The following LINGO2 variants were observed in gnomAD, a reference collection of about 807,000 sequenced individuals.
LINGO2 encodes the protein leucine-rich repeat and immunoglobulin-like domain-containing nogo receptor-interacting protein 2.
In LINGO2, 14 loss-of-function variants were observed where a neutral mutation model predicts 30.6. The ratio of observed to expected loss-of-function variants is 0.46; its 90% CI spans 0.30 to 0.72. The LOEUF (loss-of-function observed/expected upper bound fraction) is 0.72. LINGO2 is among the 30% of genes least tolerant of loss of function. LINGO2 has a pLI of 0.07. For missense variants in LINGO2, 729 were observed against 751.7 expected, an observed-to-expected ratio of 0.97 and a Z score of 0.35; for synonymous variants, 317 against 288.5, an observed-to-expected ratio of 1.10 and a Z score of -1.00.
chr9:28,573,062 C>G (rs1053184961), intron 1 of LINGO2, among the ~76,000 whole-genome samples: 6 of 152,058 alleles, frequency 3.9e-5, no homozygotes, highest in Admixed American at 6.6e-5. Context: ...TATCTATTGG[C>G]AAAATATTTG....
chr9:28,631,700 T>A (rs932156954), intron 1 of LINGO2, among the ~76,000 whole-genome samples: 1 of 152,056 alleles, frequency 6.6e-6, no homozygotes, highest in Non-Finnish European at 1.5e-5. Flanking sequence ...GAAGCACATA[T>A]GTTGCTGTCT....
chr9:29,108,978 T>C, the LINGO2 span, among the ~76,000 whole-genome samples: 1 of 152,224 alleles, frequency 6.6e-6, no homozygotes, highest in African/African-American at 2.4e-5. Context: ...GAAATTTACT[T>C]GCACAATAGC....
chr9:27,975,363 C>T (rs540669240), intron 5 of LINGO2, among the ~76,000 whole-genome samples: 2 of 151,648 alleles, frequency 1.3e-5, no homozygotes, highest in African/African-American at 4.9e-5. Context: ...GTGGTAAATG[C>T]TTAACAACTG....
At chr9:29,109,786 T>C in the LINGO2 span, among the ~76,000 whole-genome samples, 2 of 152,314 alleles carry the variant, frequency 1.3e-5, no homozygotes. Context: ...ATTAGCTAAG[T>C]TGGTGATTTT....
intron 4 of LINGO2, among the ~76,000 whole-genome samples, chr9:28,233,704 G>C (rs1170921203): frequency 6.6e-6 from 1 of 152,312 alleles, no homozygotes; most frequent in South Asian, 2.1e-4. Flanking sequence ...GGAGAGGAGA[G>C]TGAAGACAAA....
At chr9:29,027,285 A>T in the LINGO2 span, among the ~76,000 whole-genome samples, 2 of 152,210 alleles carry the variant, frequency 1.3e-5, no homozygotes. Flanking sequence ...TTCAATCATA[A>T]ATTATAACCT....
At chr9:27,950,031 T>C in exon 6 of LINGO2, 2 of 1,614,098 alleles carry the variant, frequency 1.2e-6, no homozygotes, top group Non-Finnish European at 1.7e-6. Flanking sequence ...AGGCATATTG[T>C]TGATATTGAG....
intron 2 of LINGO2, among the ~76,000 whole-genome samples, chr9:28,433,411 A>C (rs1823761725): frequency 6.6e-6 from 1 of 152,158 alleles, no homozygotes; most frequent in Non-Finnish European, 1.5e-5. Context: ...TGAGCCAGAA[A>C]AGCAGATAAG....
At chr9:28,172,438 A>G (rs10968364) in intron 4 of LINGO2, among the ~76,000 whole-genome samples, 15,042 of 152,162 alleles carry the variant, frequency 0.099, 866 homozygotes, top group East Asian at 0.19. Flanking sequence ...AGCACTTTCC[A>G]TACATTATCT....
the LINGO2 span, among the ~76,000 whole-genome samples, chr9:28,983,136 T>G: frequency 6.6e-6 from 1 of 152,008 alleles, no homozygotes; most frequent in Non-Finnish European, 1.5e-5. Context: ...GTGCCATGTC[T>G]GGGCCACAGC....
At chr9:29,099,741 G>T in the LINGO2 span, among the ~76,000 whole-genome samples, 1 of 152,242 alleles carries the variant, frequency 6.6e-6, no homozygotes, top group Non-Finnish European at 1.5e-5. Context: ...ACAAATGCTG[G>T]CAAGGAGGTG....
intron 1 of LINGO2, among the ~76,000 whole-genome samples, chr9:28,484,139 T>C (rs1197330990): frequency 6.6e-6 from 1 of 152,092 alleles, no homozygotes; most frequent in African/African-American, 2.4e-5. Context: ...CTGATGAGGT[T>C]TGACTATCAT....
intron 3 of LINGO2, among the ~76,000 whole-genome samples, chr9:28,319,515 G>A (rs1824962575): frequency 6.6e-6 from 1 of 151,856 alleles, no homozygotes; most frequent in African/African-American, 2.4e-5. Flanking sequence ...CATCTTGGGG[G>A]GCTGTTATTA....
intron 4 of LINGO2, among the ~76,000 whole-genome samples, chr9:28,276,579 C>T (rs1385041462): frequency 6.6e-6 from 1 of 152,178 alleles, no homozygotes; most frequent in Non-Finnish European, 1.5e-5. Flanking sequence ...TTCTGATCTC[C>T]CTTCCATCTG....
At chr9:28,652,075 C>T (rs546078125) in intron 1 of LINGO2, among the ~76,000 whole-genome samples, 1 of 152,238 alleles carries the variant, frequency 6.6e-6, no homozygotes, top group Admixed American at 6.5e-5. Context: ...ACTATCATAT[C>T]TTCTCTTGCA....
intron 1 of LINGO2, among the ~76,000 whole-genome samples, chr9:28,517,729 C>T (rs1245177223): frequency 6.6e-6 from 1 of 152,102 alleles, no homozygotes; most frequent in Non-Finnish European, 1.5e-5. Flanking sequence ...TTTCAAGCAA[C>T]ATTAGTACTT....
chr9:28,219,253 T>A (rs142097986), intron 4 of LINGO2, among the ~76,000 whole-genome samples: 91 of 152,318 alleles, frequency 6.0e-4, no homozygotes, highest in African/African-American at 2.0e-3. Context: ...AAGATATAAT[T>A]CTTGCTTTCA....
the LINGO2 span, among the ~76,000 whole-genome samples, chr9:29,108,572 G>A: frequency 2.0e-5 from 3 of 152,160 alleles, no homozygotes; most frequent in African/African-American, 7.2e-5. Context: ...TTGCATTATA[G>A]ATTAGTAGCT....
the LINGO2 span, among the ~76,000 whole-genome samples, chr9:28,745,738 A>C: frequency 1.3e-5 from 2 of 152,176 alleles, no homozygotes; most frequent in African/African-American, 4.8e-5. Flanking sequence ...CAGAGAACTT[A>C]AGTAACTTGT....
Sources: allele counts gnomAD v4.1 joint callset (sites outside exome capture counted in the v4.1 genomes callset), GRCh38; gene constraint gnomAD v4.1.1; transcripts MANE v1.5; gene names NCBI Gene and HGNC (gene_info 2026-07-23, HGNC 2026-07-21).